The following PIEZO2 variants were observed in gnomAD, a reference collection of about 807,000 sequenced individuals.
The protein encoded by PIEZO2 is piezo type mechanosensitive ion channel component 2, also known as piezo-type mechanosensitive ion channel component 2.
PIEZO2 carries 172 observed loss-of-function variants against 337.3 expected under a neutral mutation model. That is an observed-to-expected ratio of 0.51 (90% confidence interval 0.45 to 0.58). The LOEUF is 0.58. Among genes scored for constraint, PIEZO2 ranks in the 20% least tolerant of loss-of-function variants. PIEZO2 has a pLI of 0.00. For missense variants in PIEZO2, 3,028 were observed against 3,391.3 expected, an observed-to-expected ratio of 0.89 and a Z score of 2.66; for synonymous variants, 1,251 against 1,228.5, an observed-to-expected ratio of 1.02 and a Z score of -0.38.
chr18:10,700,334 T>C (rs574731813), intron 43 of PIEZO2, among the ~76,000 whole-genome samples: 3 of 152,252 alleles, frequency 2.0e-5, no homozygotes, highest in South Asian at 2.1e-4. Context: ...CAACATTATA[T>C]GAAAGATTTA....
rs2040199637 is a variant in PIEZO2 at position 11,126,960 on chromosome 18, C to T, written c.64+21565G>A. The stretch of plus-strand genomic sequence containing the variant: ...AGGCAATGCACTGAACTGTTGTGTG[C>T]TTACTACAGGCCAGGCCCTACCCAA... On this transcript the variant is annotated intron_variant, in intron 1 of 55. Transcript: ENST00000674853. The surrounding 1 kb of genome is among the most constrained non-coding windows in gnomAD (Gnocchi z 4.6). 6.6e-6 allele frequency among the ~76,000 whole-genome samples: 1 copy of T among 152,252 alleles called. No homozygotes were observed. Among genetic ancestry groups the T allele is most frequent in the East Asian group, 1.9e-4 (1 of 5,176 alleles).
At position 10,759,714 on chromosome 18, in the gene PIEZO2, G is replaced by C; in HGVS notation, c.3646C>G (p.Pro1216Ala). The C allele has an allele frequency of 1.3e-6, 2 of 1,537,282 alleles. No individual in the cohort carries two copies. The highest frequency in any genetic ancestry group is 1.2e-5 in the South Asian group (1 of 84,052). The change falls in exon 25 of 56, where the codon CCT becomes GCT. Residue 1216 changes from proline to alanine, a missense_variant. Physicochemically the swap from Pro to Ala is conservative, Grantham distance 27 (BLOSUM62 -1). This residue lies in a region of PIEZO2 where 1,925 missense variants were observed against 2,051.9 expected (regional missense o/e 0.94). Coordinates refer to ENST00000674853, the MANE Select transcript of PIEZO2 (RefSeq NM_001378183.1). This position sits in a 1 kb window ranked among gnomAD's most constrained non-coding sequence, Gnocchi z 5.5. ...YFICIGIPPA[P>A]CRDYPWRFKG... ...GGAAGGGCAGGCTCACCTCGGCAAG[G>C]AGCAGGTGGGATGCCAATGCAGATG...
In PIEZO2 at chr18:10,979,006, G is replaced by C. The variant is rs540556936; in HGVS notation, c.286+529C>G. Among the ~76,000 whole-genome samples, 40 of 152,092 alleles carry C rather than the reference G, an allele frequency of 2.6e-4. 1 individual carries two copies. The highest frequency in any genetic ancestry group is 2.4e-3 in the Admixed American group (36 of 15,290). ...AAATATAAGGGGCTTAAGAGATACT[G>C]TTTCCCTATAAATACTAATAAAAAA... On this transcript the variant is annotated intron_variant, in intron 3 of 55. Coordinates refer to ENST00000674853, the MANE Select transcript of PIEZO2 (RefSeq NM_001378183.1). The surrounding 1 kb of genome is among the most constrained non-coding windows in gnomAD (Gnocchi z 4.0).
chr18:10,680,783 T>C, intron 51 of PIEZO2, among the ~76,000 whole-genome samples: 1 of 152,212 alleles, frequency 6.6e-6, no homozygotes, highest in South Asian at 2.1e-4. Context: ...TGTTCCAGAT[T>C]AGTTTTGACA....
In PIEZO2 at chr18:10,979,693, A is replaced by G. The variant is rs1411175211; in HGVS notation, c.161-33T>C. The G allele has an allele frequency of 1.3e-6, 2 of 1,503,338 alleles. No homozygotes were observed. The highest frequency in any genetic ancestry group is 1.8e-6 in the Non-Finnish European group (2 of 1,124,944). 93.1% of individuals were successfully genotyped at this position (1,503,338 alleles called of 1,614,324 possible). A position where few individuals can be genotyped will look rare whatever the true frequency, so the allele number is the denominator to read the frequency against. On this transcript the variant is annotated intron_variant, in intron 2 of 55. Transcript: ENST00000674853. This position sits in a 1 kb window ranked among gnomAD's most constrained non-coding sequence, Gnocchi z 4.0. ...ATAAAAAGTGCAGAGATTGTGAGAGAGCTTAAGATGAAACACACTGGTGCT... is the reference window on the plus strand; with the variant it reads ...ATAAAAAGTGCAGAGATTGTGAGAGGGCTTAAGATGAAACACACTGGTGCT...
chr18:10,966,009 A>G (rs1726589517), intron 3 of PIEZO2, among the ~76,000 whole-genome samples: 1 of 152,222 alleles, frequency 6.6e-6, no homozygotes, highest in Non-Finnish European at 1.5e-5. Flanking sequence ...CGGATAAAGA[A>G]ATGGATGCAA....
intron 3 of PIEZO2, among the ~76,000 whole-genome samples, chr18:10,971,064 C>T (rs1355800601): frequency 6.6e-6 from 1 of 152,128 alleles, no homozygotes; most frequent in African/African-American, 2.4e-5. Flanking sequence ...GCCCTGGAGA[C>T]TCCCCATGAC....
intron 31 of PIEZO2, 111 bp downstream of exon 31, chr18:10,744,031 C>T: frequency 1.5e-6 from 1 of 685,848 alleles, no homozygotes; most frequent in Admixed American, 2.9e-5. Flanking sequence ...TGTGAAAGTC[C>T]ATACATATAT....
In PIEZO2 at chr18:11,024,738, T is replaced by C. The variant is rs1456138753; in HGVS notation, c.160+41389A>G. Among the ~76,000 whole-genome samples, 3 of 151,708 alleles carry C rather than the reference T, an allele frequency of 2.0e-5. No individual in the cohort carries two copies. In the East Asian group the frequency reaches 5.9e-4, roughly 30 times the overall value. On this transcript the variant is annotated intron_variant, in intron 2 of 55. Transcript: ENST00000674853. Reference sequence around the variant, plus strand: ...TCACTGCAACCTTCGTCTCCTGGATTCAAGTGATTCTCGTCTCAGCCTCCT... The same window carrying C: ...TCACTGCAACCTTCGTCTCCTGGATCCAAGTGATTCTCGTCTCAGCCTCCT...
intron 49 of PIEZO2, among the ~76,000 whole-genome samples, chr18:10,687,841 C>T (rs554412601): frequency 1.3e-5 from 2 of 152,296 alleles, no homozygotes; most frequent in South Asian, 2.1e-4. Flanking sequence ...GTCTGAGTGA[C>T]ACCATCGAAT....
At chr18:11,107,491 C>T (rs1023251450) in intron 1 of PIEZO2, among the ~76,000 whole-genome samples, 1 of 152,022 alleles carries the variant, frequency 6.6e-6, no homozygotes, top group Non-Finnish European at 1.5e-5. Flanking sequence ...CATTAAAAAA[C>T]TCAGTTGAAT....
intron 2 of PIEZO2, among the ~76,000 whole-genome samples, chr18:11,064,699 G>A (rs1210491201): frequency 6.6e-6 from 1 of 152,130 alleles, no homozygotes; most frequent in East Asian, 1.9e-4. Context: ...AAGTATGTAG[G>A]GGGAAATCCC....
chr18:10,761,624 A>T (rs138806324), intron 23 of PIEZO2, among the ~76,000 whole-genome samples: 1 of 152,338 alleles, frequency 6.6e-6, no homozygotes, highest in Non-Finnish European at 1.5e-5. Flanking sequence ...AGATAATGAA[A>T]ATAGTTAACA....
chr18:10,677,727 G>A lies in PIEZO2; in HGVS notation c.8081+20C>T, dbSNP rs763915250. 13 of 1,604,736 alleles carry A rather than the reference G, an allele frequency of 8.1e-6. 2 individuals carry two copies. In the South Asian group the frequency reaches 1.3e-4, roughly 15 times the overall value. On this transcript the variant is annotated intron_variant, in intron 53 of 55. Coordinates refer to ENST00000674853, the MANE Select transcript of PIEZO2 (RefSeq NM_001378183.1). This position sits in a 1 kb window ranked among gnomAD's most constrained non-coding sequence, Gnocchi z 4.1. ...GCATATACCTAACAAAGCTCTATTA[G>A]TAGGAAAAAATACACTTACACTGGT...
Position 10,781,561 on chromosome 18 carries a change from A to G in PIEZO2, c.2493-1195T>C, listed in dbSNP as rs142654115. Among the ~76,000 whole-genome samples the G allele has an allele frequency of 1.3e-5, 2 of 152,194 alleles. No individual in the cohort carries two copies. The highest frequency in any genetic ancestry group is 4.8e-5 in the African/African-American group (2 of 41,532). Reference sequence around the variant, plus strand: ...TATATAATAAACAATGTTATACGTTATAATTCTTATAATATGAAATTCTAT... The same window carrying G: ...TATATAATAAACAATGTTATACGTTGTAATTCTTATAATATGAAATTCTAT... On this transcript the variant is annotated intron_variant, in intron 17 of 55. Coordinates refer to ENST00000674853, the MANE Select transcript of PIEZO2 (RefSeq NM_001378183.1). The surrounding 1 kb of genome is among the most constrained non-coding windows in gnomAD (Gnocchi z 4.1).
chr18:11,107,621 C>T (rs1009389996), intron 1 of PIEZO2, among the ~76,000 whole-genome samples: 1 of 152,192 alleles, frequency 6.6e-6, no homozygotes, highest in Admixed American at 6.5e-5. Context: ...ACACTCAAAA[C>T]ACTGAGACTC....
intron 7 of PIEZO2, among the ~76,000 whole-genome samples, chr18:10,807,774 C>A (rs1360186186): frequency 1.8e-5 from 1 of 54,754 alleles, no homozygotes; most frequent in Non-Finnish European, 3.7e-5. Context: ...CCATGAAAGT[C>A]AAATATACAG....
chr18:11,049,362 GTCT>G (rs1191755156), intron 2 of PIEZO2, among the ~76,000 whole-genome samples: 2 of 152,230 alleles, frequency 1.3e-5, no homozygotes, highest in Non-Finnish European at 2.9e-5. Context: ...CCAAGGGTCT[GTCT>G]TCTTTACCTT....
intron 7 of PIEZO2, among the ~76,000 whole-genome samples, chr18:10,822,385 A>G (rs1336165037): frequency 6.6e-6 from 1 of 152,250 alleles, no homozygotes; most frequent in Non-Finnish European, 1.5e-5. Context: ...TAAAATTACC[A>G]TTATAATCAA....
Sources: gnomAD v4.1 joint callset for allele counts (sites outside exome capture counted in the v4.1 genomes callset) on GRCh38, gnomAD v4.1.1 for gene constraint, gnomAD v4.1.1 regional missense constraint, Gnocchi (gnomAD v3.1) non-coding constraint, MANE v1.5 for transcripts, NCBI Gene and HGNC (gene_info 2026-07-23, HGNC 2026-07-21) for gene names.